The following VIRMA variants were observed in gnomAD, a reference collection of about 807,000 sequenced individuals.
The protein encoded by VIRMA is vir like m6A methyltransferase associated, also known as protein virilizer homolog.
A neutral mutation model predicts 182.4 loss-of-function variants in VIRMA; 65 were observed. The observed-to-expected ratio is 0.36, with a 90% confidence interval of 0.29 to 0.44. The LOEUF (loss-of-function observed/expected upper bound fraction) is 0.44. VIRMA is among the 20% of genes least tolerant of loss of function. VIRMA has a pLI of 1.00. For missense variants in VIRMA, 1,752 were observed against 2,158.1 expected (o/e 0.81, Z 3.73); for synonymous variants, 709 against 743.1 (o/e 0.95, Z 0.75).
intron 16 of VIRMA, among the ~76,000 whole-genome samples, chr8:94,501,892 A>C (rs766162641): frequency 6.6e-6 from 1 of 152,196 alleles, no homozygotes; most frequent in South Asian, 2.1e-4. Flanking sequence ...ATTCAGTAGA[A>C]TGTATATTCT....
In VIRMA at chr8:94,540,788, C is replaced by G. The variant is rs762948727; in HGVS notation, c.180-2442G>C. ...CTCCTGGCCCTTCTTTAAACTAGAC[C>G]TTGGACTTCAGTATCTCAAGAAAAG... On this transcript the variant is annotated intron_variant, in intron 2 of 23. Transcript: ENST00000297591. 4.6e-5 allele frequency among the ~76,000 whole-genome samples: 7 copies of G among 151,996 alleles called. No individual in the cohort carries two copies. The East Asian group carries it at 1.2e-3, about 25-fold the overall frequency.
At chr8:94,506,327 T>C (rs750152468) in intron 16 of VIRMA, among the ~76,000 whole-genome samples, 173 bp downstream of exon 16, 3 of 152,258 alleles carry the variant, frequency 2.0e-5, no homozygotes, top group African/African-American at 4.8e-5. Flanking sequence ...GATTCTATTA[T>C]TAGCATGACC....
At chr8:94,548,367 G>A (rs546293057) in intron 1 of VIRMA, among the ~76,000 whole-genome samples, 7 of 151,060 alleles carry the variant, frequency 4.6e-5, no homozygotes, top group Non-Finnish European at 1.0e-4. Flanking sequence ...TGGGCAACGG[G>A]TGTATACATT....
intron 1 of VIRMA, among the ~76,000 whole-genome samples, chr8:94,550,814 G>A (rs1296146154): frequency 6.6e-6 from 1 of 152,000 alleles, no homozygotes; most frequent in South Asian, 2.1e-4. Context: ...CTCCTCCCGG[G>A]TGCTAGCAAT....
chr8:94,512,270 T>C (rs182594252), intron 11 of VIRMA, 181 bp from the exon 12 acceptor site: 1 of 298,862 alleles, frequency 3.3e-6, no homozygotes, highest in East Asian at 5.4e-5. Context: ...TTTATCAAGA[T>C]TATTTGATCT....
At position 94,509,862 on chromosome 8, in the gene VIRMA, G is replaced by A. The variant is rs963754394; in HGVS notation, c.3705C>T (p.His1235=). Residue 1235 remains histidine (H), a synonymous_variant, in exon 15 of 24, where the codon CAC becomes CAT. Transcript: ENST00000297591. ...GCAAAATAGCTAATTTACAAGCTTT[G>A]TGTGAAGCCAGAGCATCAAGAAGAG... ...LLALLDALAS[H]KACKLAILHL... is the part of the protein sequence containing the mutation. 6.2e-7 allele frequency: 1 copy of A among 1,613,850 alleles called. No individual in the cohort carries two copies. Among genetic ancestry groups the A allele is most frequent in the Admixed American group, 1.7e-5 (1 of 60,008 alleles).
In VIRMA at chr8:94,517,844, T is replaced by C; in HGVS notation, c.2612A>G (p.His871Arg). Reference protein sequence around the residue: ...SSSDVQMLEQHAASLLKLCKA... With the variant: ...SSSDVQMLEQRAASLLKLCKA... ...ACAAAGCTTCAAGAGAGATGCTGCA[T>C]GTTGTTCTAGCATTTGAACATCACT... The change falls in exon 10 of 24, where the codon CAT becomes CGT. Residue 871 changes from histidine (H) to arginine (R), a missense_variant. Coordinates refer to ENST00000297591, the MANE Select transcript of VIRMA (RefSeq NM_015496.5). 1 of 1,612,938 alleles carries C rather than the reference T, an allele frequency of 6.2e-7. No individual in the cohort carries two copies. The highest frequency in any genetic ancestry group is 8.5e-7 in the Non-Finnish European group (1 of 1,179,272).
At chr8:94,530,671 C>T (rs1373392606) in intron 6 of VIRMA, among the ~76,000 whole-genome samples, 1 of 152,176 alleles carries the variant, frequency 6.6e-6, no homozygotes, top group Admixed American at 6.6e-5. Context: ...AATCCTAACA[C>T]TTTGTGAAGC....
chr8:94,488,633 G>C lies in VIRMA; in HGVS notation c.*73C>G. The C allele has an allele frequency of 1.4e-6, 2 of 1,407,786 alleles. No homozygotes were observed. Among genetic ancestry groups the C allele is most frequent in the South Asian group, 1.4e-5 (1 of 72,652 alleles). The allele number at this position is 1,407,786 out of a possible 1,614,324, so 87.2% of individuals were successfully genotyped here. On this transcript the variant is annotated 3_prime_UTR_variant, in exon 24 of 24. Transcript: ENST00000297591. The stretch of plus-strand genomic sequence containing the variant: ...TCCAGATAACTGCTAAGTCTAAATT[G>C]GTCCTTCAATGTCTTATTTTTATTG...
intron 6 of VIRMA, 21 bp from the exon 7 acceptor site, chr8:94,529,363 GCA>G: frequency 7.1e-7 from 1 of 1,407,478 alleles, no homozygotes; most frequent in Non-Finnish European, 1.0e-6. Flanking sequence ...GAGATTTAAG[GCA>G]CAGACTATTT....
intron 23 of VIRMA, 64 bp from the exon 24 acceptor site, chr8:94,488,924 A>C (rs1475936074): frequency 1.3e-6 from 2 of 1,540,450 alleles, no homozygotes; most frequent in East Asian, 2.3e-5. Flanking sequence ...TATAAATACT[A>C]ATCTACGACA....
chr8:94,538,526 A>ATC (rs561880551), intron 2 of VIRMA, among the ~76,000 whole-genome samples, 180 bp from the exon 3 acceptor site: 82 of 152,346 alleles, frequency 5.4e-4, no homozygotes, highest in African/African-American at 1.8e-3. Context: ...TTCACATCCA[A>ATC]TCTCAAGTAG....
intron 22 of VIRMA, among the ~76,000 whole-genome samples, 188 bp downstream of exon 22, chr8:94,491,390 C>A (rs1182939118): frequency 2.0e-5 from 3 of 151,878 alleles, no homozygotes; most frequent in Non-Finnish European, 1.5e-5. Context: ...ATGAAAGGTT[C>A]ATTGAAAAAA....
At chr8:94,496,547 T>C in intron 17 of VIRMA, 67 bp from the exon 18 acceptor site, 1 of 1,301,018 alleles carries the variant, frequency 7.7e-7, no homozygotes, top group East Asian at 2.3e-5. Context: ...CCACACTTAT[T>C]CATATTATCT....
chr8:94,521,103 A>C lies in VIRMA; in HGVS notation c.2022-1627T>G, dbSNP rs147928039. 9.6e-4 allele frequency among the ~76,000 whole-genome samples: 145 copies of C among 151,618 alleles called. 1 individual carries two copies. Among genetic ancestry groups the C allele is most frequent in the African/African-American group, 3.4e-3 (139 of 41,274 alleles). On this transcript the variant is annotated intron_variant, in intron 8 of 23. Transcript: ENST00000297591. ...TGTGCAGAATGTGCAGGCTTGTTAC[A>C]TAGGTAAACGTGTGCCATGGTGGTT...
At position 94,519,324 on chromosome 8, in the gene VIRMA, T is replaced by C; in HGVS notation, c.2174A>G (p.Tyr725Cys). The change falls in exon 9 of 24, where the codon TAT becomes TGT. Residue 725 changes from tyrosine to cysteine, a missense_variant. Physicochemically the swap from Tyr to Cys is radical, Grantham distance 194. Coordinates refer to ENST00000297591, the MANE Select transcript of VIRMA (RefSeq NM_015496.5). ...QKGLLFFMSE[Y>C]EATNLLIRAL... ...TCGGATCAATAAATTTGTTGCTTCA[T>C]ATTCCGACATAAAAAAAAGAAGACC... 6.2e-7 allele frequency: 1 copy of C among 1,609,724 alleles called. No homozygotes were observed. Among genetic ancestry groups the C allele is most frequent in the Non-Finnish European group, 8.5e-7 (1 of 1,178,952 alleles).
At chr8:94,510,326 A>G in intron 14 of VIRMA, 91 bp downstream of exon 14, 1 of 933,586 alleles carries the variant, frequency 1.1e-6, no homozygotes, top group Non-Finnish European at 1.7e-6. Context: ...TTATCTGGGC[A>G]TTCCAAACCC....
chr8:94,553,302 G>T, intron 1 of VIRMA, 83 bp downstream of exon 1: 1 of 1,347,932 alleles, frequency 7.4e-7, no homozygotes, highest in Non-Finnish European at 1.1e-6. Context: ...ATCTGCAGAA[G>T]GAAAAGTGGA....
chr8:94,538,608 AT>A (rs1008260146), intron 2 of VIRMA, among the ~76,000 whole-genome samples: 5 of 150,786 alleles, frequency 3.3e-5, no homozygotes, highest in Admixed American at 3.3e-4. Context: ...ATCACTATTC[AT>A]TTTTTTTTGA....
Sources: allele counts gnomAD v4.1 joint callset (sites outside exome capture counted in the v4.1 genomes callset), GRCh38; gene constraint gnomAD v4.1.1; transcripts MANE v1.5; gene names NCBI Gene and HGNC (gene_info 2026-07-23, HGNC 2026-07-21).